Variants in AP2B1 observed in about 807,000 individuals in gnomAD.
AP2B1 encodes the protein adaptor related protein complex 2 subunit beta 1.
AP2B1 carries 23 observed loss-of-function variants against 102.0 expected under a neutral mutation model. The observed-to-expected ratio is 0.23, with a 90% confidence interval of 0.16 to 0.32. AP2B1 has a LOEUF of 0.32. Among genes scored for constraint, AP2B1 ranks in the 10% least tolerant of loss-of-function variants. The pLI is 1.00. For synonymous variants in AP2B1, 381 were observed against 421.2 expected (o/e 0.90, Z 1.17); for missense variants, 541 against 1,157.4 (o/e 0.47, Z 7.73).
At chr17:35,691,453 C>T (rs1004357894) in intron 18 of AP2B1, among the ~76,000 whole-genome samples, 3 of 152,200 alleles carry the variant, frequency 2.0e-5, no homozygotes, top group Admixed American at 6.5e-5. Flanking sequence ...TTCAGCGCTC[C>T]CATCAAATGA....
At chr17:35,713,313 C>T (rs931519613) in intron 20 of AP2B1, among the ~76,000 whole-genome samples, 12 of 152,216 alleles carry the variant, frequency 7.9e-5, no homozygotes, top group Non-Finnish European at 1.6e-4. Context: ...TAGGGGAAAA[C>T]AGTCATTGCA....
At chr17:35,648,542 A>G (rs960935042) in intron 12 of AP2B1, among the ~76,000 whole-genome samples, 4 of 151,904 alleles carry the variant, frequency 2.6e-5, no homozygotes, top group African/African-American at 9.7e-5. Context: ...ACATACATAC[A>G]TACATACATA....
intron 18 of AP2B1, among the ~76,000 whole-genome samples, chr17:35,700,284 A>G (rs1157556758): frequency 6.6e-6 from 1 of 151,666 alleles, no homozygotes; most frequent in African/African-American, 2.4e-5. Context: ...ACTCCGAGCC[A>G]TTCCCCTAGG....
chr17:35,657,513 C>A, intron 13 of AP2B1, 86 bp from the exon 14 acceptor site: 1 of 1,047,774 alleles, frequency 9.5e-7, no homozygotes, highest in Non-Finnish European at 1.4e-6. Flanking sequence ...TTATATATAG[C>A]TATATGTTTC....
intron 13 of AP2B1, among the ~76,000 whole-genome samples, chr17:35,652,821 C>T (rs1488488711): frequency 1.3e-5 from 2 of 152,094 alleles, no homozygotes; most frequent in African/African-American, 4.8e-5. Context: ...TTTAGACATA[C>T]TGATAGAACC....
rs748647573 is a variant in AP2B1, at chr17:35,682,753, A to G, written c.2383A>G (p.Ser795Gly). 2.5e-6 allele frequency: 4 copies of G among 1,613,094 alleles called. No homozygotes were observed. Among genetic ancestry groups the G allele is most frequent in the Non-Finnish European group, 3.4e-6 (4 of 1,179,260 alleles). Residue 795 changes from serine (S) to glycine (G), a missense_variant, in exon 18 of 22, where the codon AGC becomes GGC. Ser to Gly is a moderately conservative substitution (Grantham distance 56). Transcript: ENST00000610402. ...CCATACACCACTGATGCCAAACCAG[A>G]GCATTGATGTCTCCCTGCCTCTCAA... ...AIHTPLMPNQ[S>G]IDVSLPLNTL... is the part of the protein sequence containing the mutation.
At chr17:35,679,083 TATG>T (rs1307919122) in intron 17 of AP2B1, among the ~76,000 whole-genome samples, 2 of 152,238 alleles carry the variant, frequency 1.3e-5, no homozygotes, top group Non-Finnish European at 2.9e-5. Context: ...TTTTTACCAT[TATG>T]ATACTTATAT....
intron 20 of AP2B1, among the ~76,000 whole-genome samples, chr17:35,710,833 G>A (rs1465759532): frequency 6.6e-6 from 1 of 152,160 alleles, no homozygotes; most frequent in Admixed American, 6.5e-5. Flanking sequence ...CACTTTGGAA[G>A]GCCAAGATGG....
intron 18 of AP2B1, among the ~76,000 whole-genome samples, chr17:35,696,365 A>G (rs1418251007): frequency 6.6e-6 from 1 of 151,944 alleles, no homozygotes; most frequent in East Asian, 1.9e-4. Flanking sequence ...GAATGAAGAG[A>G]AGTAGGTTAA....
At chr17:35,668,354 G>A (rs1224034034) in intron 14 of AP2B1, among the ~76,000 whole-genome samples, 1 of 152,032 alleles carries the variant, frequency 6.6e-6, no homozygotes, top group African/African-American at 2.4e-5. Context: ...TTCAACCTTG[G>A]CTGTACATTA....
At chr17:35,716,045 T>C (rs924412730) in intron 20 of AP2B1, among the ~76,000 whole-genome samples, 2 of 152,192 alleles carry the variant, frequency 1.3e-5, no homozygotes, top group Non-Finnish European at 2.9e-5. Flanking sequence ...GTACCTGTTG[T>C]ATTGCAGATA....
At position 35,672,040 on chromosome 17, in the gene AP2B1, G is replaced by C. The variant is rs1567953297; in HGVS notation, c.2178+140G>C. 4.6e-5 allele frequency: 41 copies of C among 884,136 alleles called. No individual in the cohort carries two copies. In the South Asian group the frequency reaches 1.0e-3, roughly 22 times the overall value. The allele number at this position is 884,136 out of a possible 1,614,324, so 54.8% of individuals were successfully genotyped here. ...CTGGAGGACTTAGAGGAAGATGAAAGGTGGCTTCAAACTTAGCAGTAGGAA... is the reference window on the plus strand; with the variant it reads ...CTGGAGGACTTAGAGGAAGATGAAACGTGGCTTCAAACTTAGCAGTAGGAA... On this transcript the variant is annotated intron_variant, in intron 16 of 21. Coordinates refer to ENST00000610402, the MANE Select transcript of AP2B1 (RefSeq NM_001030006.2).
chr17:35,658,962 C>T (rs890938412), intron 14 of AP2B1, among the ~76,000 whole-genome samples: 1 of 152,192 alleles, frequency 6.6e-6, no homozygotes, highest in African/African-American at 2.4e-5. Context: ...ATTGACCAAG[C>T]TGTGGACTCC....
In AP2B1 at chr17:35,621,553, A is replaced by G. The variant is rs550873635; in HGVS notation, c.526-2844A>G. Among the ~76,000 whole-genome samples, 8 of 152,352 alleles carry G rather than the reference A, an allele frequency of 5.3e-5. No homozygotes were observed. The South Asian group carries it at 1.7e-3, about 32-fold the overall frequency. On this transcript the variant is annotated intron_variant, in intron 5 of 21. Coordinates refer to ENST00000610402, the MANE Select transcript of AP2B1 (RefSeq NM_001030006.2). ...TGGCAGTGATCTCTCTTATTTGTGC[A>G]GGCTTTGCTAAACAATCATCTAATC...
intron 12 of AP2B1, among the ~76,000 whole-genome samples, chr17:35,647,911 A>C (rs1389836502): frequency 2.4e-5 from 3 of 123,896 alleles, no homozygotes; most frequent in South Asian, 2.5e-4. Context: ...TTTTCTTTTG[A>C]GACAGAGTCT....
intron 11 of AP2B1, among the ~76,000 whole-genome samples, chr17:35,641,322 C>A (rs2074774085): frequency 1.3e-5 from 2 of 152,208 alleles, no homozygotes; most frequent in Admixed American, 1.3e-4. Context: ...CCTGTAATCC[C>A]AGCACTTTGG....
chr17:35,717,166 G>A (rs1265642027), intron 20 of AP2B1, 29 bp from the exon 21 acceptor site: 1 of 1,610,232 alleles, frequency 6.2e-7, no homozygotes, highest in Non-Finnish European at 8.5e-7. Context: ...TTTAACTGAA[G>A]GTGTTGGATT....
At chr17:35,605,171 C>T (rs1343482413) in intron 3 of AP2B1, among the ~76,000 whole-genome samples, 1 of 152,052 alleles carries the variant, frequency 6.6e-6, no homozygotes, top group Non-Finnish European at 1.5e-5. Flanking sequence ...TCCCAAAGTT[C>T]TGAGATTGCA....
intron 2 of AP2B1, among the ~76,000 whole-genome samples, chr17:35,597,891 C>T (rs1827096834): frequency 1.3e-5 from 2 of 152,200 alleles, no homozygotes; most frequent in Admixed American, 1.3e-4. Flanking sequence ...CTCCTCCAGA[C>T]TTTAACATTC....
Sources: allele counts gnomAD v4.1 joint callset (sites outside exome capture counted in the v4.1 genomes callset), GRCh38; gene constraint gnomAD v4.1.1; transcripts MANE v1.5; gene names NCBI Gene and HGNC (gene_info 2026-07-23, HGNC 2026-07-21).